ADAMTSL1: variants seen among roughly 807,000 people sequenced by gnomAD.
ADAMTSL1 encodes the protein ADAMTS-like protein 1.
Under a neutral mutation model 201.8 loss-of-function variants are expected in ADAMTSL1, and 126 were observed. The ratio of observed to expected loss-of-function variants is 0.62; its 90% CI spans 0.54 to 0.72. The LOEUF (loss-of-function observed/expected upper bound fraction) is 0.72. Among genes scored for constraint, ADAMTSL1 ranks in the 30% least tolerant of loss-of-function variants. ADAMTSL1 has a pLI of 0.00. For missense variants in ADAMTSL1, 2,679 were observed against 2,277.8 expected, an observed-to-expected ratio of 1.18 and a Z score of -3.59; for synonymous variants, 1,121 against 903.4, an observed-to-expected ratio of 1.24 and a Z score of -4.32.
At position 18,064,314 on chromosome 9, in the gene ADAMTSL1, C is replaced by T. The variant is rs532441525; in HGVS notation, c.88-99548C>T. ...TGCAAAATGTTAGTCTCCTCCATCT[C>T]GGATGATTCTCAGCATCTCCAACTG... On this transcript the variant is annotated intron_variant, in intron 1 of 29. Transcript: ENST00000680146. 1.9e-3 allele frequency among the ~76,000 whole-genome samples: 288 copies of T among 152,226 alleles called. 1 individual carries two copies. Among genetic ancestry groups the T allele is most frequent in the South Asian group, 6.6e-3 (32 of 4,820 alleles).
chr9:18,324,756 C>T (rs1260591541), intron 2 of ADAMTSL1, among the ~76,000 whole-genome samples: 9 of 149,190 alleles, frequency 6.0e-5, no homozygotes, highest in African/African-American at 2.2e-4. Flanking sequence ...AAGAGCGAAA[C>T]TCCATCTCAA....
intron 2 of ADAMTSL1, among the ~76,000 whole-genome samples, chr9:18,320,098 G>T (rs996370049): frequency 5.3e-5 from 8 of 151,970 alleles, no homozygotes; most frequent in African/African-American, 1.9e-4. Flanking sequence ...TCCTGAAAAT[G>T]CAAGGGACTG....
chr9:18,586,417 C>A (rs549532452), intron 4 of ADAMTSL1, among the ~76,000 whole-genome samples: 1 of 152,116 alleles, frequency 6.6e-6, no homozygotes, highest in African/African-American at 2.4e-5. Context: ...ATAATAATTA[C>A]AAACCATTGC....
intron 13 of ADAMTSL1, among the ~76,000 whole-genome samples, chr9:18,696,766 C>T (rs1389720920): frequency 6.6e-6 from 1 of 151,880 alleles, no homozygotes; most frequent in Non-Finnish European, 1.5e-5. Flanking sequence ...CCAATATTAT[C>T]ATCTAGAAAT....
chr9:18,652,964 T>G (rs1828389645), intron 7 of ADAMTSL1, among the ~76,000 whole-genome samples: 1 of 152,142 alleles, frequency 6.6e-6, no homozygotes, highest in Non-Finnish European at 1.5e-5. Flanking sequence ...AGAGGAAAAG[T>G]TTAAATCAAC....
intron 2 of ADAMTSL1, among the ~76,000 whole-genome samples, chr9:18,181,230 G>A (rs1195098014): frequency 6.6e-6 from 1 of 152,184 alleles, no homozygotes; most frequent in African/African-American, 2.4e-5. Flanking sequence ...GCATGGGCAA[G>A]GACTTCATGT....
At position 18,056,636 on chromosome 9, in the gene ADAMTSL1, A is replaced by G. The variant is rs72697476; in HGVS notation, c.88-107226A>G. Reference sequence around the variant, plus strand: ...AGAGACTTAGATAGTTGAAAACTACAAATCTCAACATGGCAAGCATTCAGA... The same window carrying G: ...AGAGACTTAGATAGTTGAAAACTACGAATCTCAACATGGCAAGCATTCAGA... On this transcript the variant is annotated intron_variant, in intron 1 of 29. Transcript: ENST00000680146. Among the ~76,000 whole-genome samples the G allele has an allele frequency of 4.7e-3, 715 of 152,328 alleles. 3 individuals carry two copies. The highest frequency in any genetic ancestry group is 7.4e-3 in the Non-Finnish European group (504 of 68,030).
intron 1 of ADAMTSL1, among the ~76,000 whole-genome samples, chr9:18,068,179 T>TA (rs1481071498): frequency 1.3e-5 from 2 of 152,118 alleles, no homozygotes; most frequent in Non-Finnish European, 2.9e-5. Flanking sequence ...AATGGACTGT[T>TA]TATTAAGATA....
chr9:18,837,447 T>C (rs1825382899), intron 23 of ADAMTSL1, among the ~76,000 whole-genome samples: 2 of 152,254 alleles, frequency 1.3e-5, no homozygotes, highest in Non-Finnish European at 2.9e-5. Context: ...TTCTATTTCA[T>C]TGTTATGTTT....
intron 1 of ADAMTSL1, among the ~76,000 whole-genome samples, chr9:18,158,753 C>T (rs1827262674): frequency 6.6e-6 from 1 of 151,810 alleles, no homozygotes; most frequent in African/African-American, 2.4e-5. Context: ...ATATTTTAGT[C>T]CTTTGTGTGC....
At chr9:18,467,715 C>A (rs1476451652) in intron 2 of ADAMTSL1, among the ~76,000 whole-genome samples, 3 of 152,114 alleles carry the variant, frequency 2.0e-5, no homozygotes, top group Non-Finnish European at 4.4e-5. Context: ...ACAGGATGAA[C>A]AAATACACAG....
chr9:18,776,382 A>T (rs1428127859), intron 18 of ADAMTSL1, among the ~76,000 whole-genome samples: 2 of 152,094 alleles, frequency 1.3e-5, no homozygotes, highest in African/African-American at 4.8e-5. Context: ...TCTTTTTATG[A>T]CGTTGATTTC....
At chr9:18,177,719 G>GA (rs560107680) in intron 2 of ADAMTSL1, among the ~76,000 whole-genome samples, 28 of 152,318 alleles carry the variant, frequency 1.8e-4, no homozygotes, top group African/African-American at 6.7e-4. Flanking sequence ...TGGCTTGTAA[G>GA]AGATCTTCCG....
chr9:18,677,833 C>T (rs1276328758), intron 10 of ADAMTSL1, among the ~76,000 whole-genome samples: 3 of 151,792 alleles, frequency 2.0e-5, no homozygotes, highest in Non-Finnish European at 4.4e-5. Flanking sequence ...CCTTGTATGT[C>T]TGATACTGAA....
chr9:18,712,011 C>T (rs185577320), intron 14 of ADAMTSL1, among the ~76,000 whole-genome samples: 1,719 of 152,082 alleles, frequency 0.011, 9 homozygotes, highest in Middle Eastern at 0.031. Context: ...CGGCCGGGTA[C>T]TCCAACAGAC....
At chr9:18,087,424 A>T (rs1194497748) in intron 1 of ADAMTSL1, among the ~76,000 whole-genome samples, 1 of 152,146 alleles carries the variant, frequency 6.6e-6, no homozygotes. Context: ...GAATTCTCCT[A>T]GGTCACTTAA....
chr9:18,064,558 G>A (rs1325260068), intron 1 of ADAMTSL1, among the ~76,000 whole-genome samples: 2 of 152,052 alleles, frequency 1.3e-5, no homozygotes, highest in East Asian at 3.9e-4. Flanking sequence ...GATTGATTTG[G>A]GTATAAGGTG....
At chr9:18,567,314 A>C (rs1403698709) in intron 3 of ADAMTSL1, among the ~76,000 whole-genome samples, 1 of 152,070 alleles carries the variant, frequency 6.6e-6, no homozygotes, top group African/African-American at 2.4e-5. Context: ...AAAATACAGA[A>C]AAGTAGCCAG....
chr9:18,449,009 T>C (rs1045471917), intron 2 of ADAMTSL1, among the ~76,000 whole-genome samples: 1 of 151,900 alleles, frequency 6.6e-6, no homozygotes. Context: ...GGGTTTTCTT[T>C]TCTCTTAAGT....
Sources: allele counts gnomAD v4.1 joint callset (sites outside exome capture counted in the v4.1 genomes callset), GRCh38; gene constraint gnomAD v4.1.1; transcripts MANE v1.5; gene names NCBI Gene and HGNC (gene_info 2026-07-23, HGNC 2026-07-21).